The following SLCO3A1 variants were observed in gnomAD, a reference collection of about 807,000 sequenced individuals.
SLCO3A1 encodes the protein PGE1 transporter.
A neutral mutation model predicts 63.1 loss-of-function variants in SLCO3A1; 27 were observed. The ratio of observed to expected loss-of-function variants is 0.43; its 90% CI spans 0.32 to 0.59. The LOEUF is 0.59. SLCO3A1 is among the 20% of genes least tolerant of loss of function. SLCO3A1 has a pLI of 0.09. For missense variants in SLCO3A1, 773 were observed against 945.8 expected (o/e 0.82, Z 2.40); for synonymous variants, 473 against 409.9 (o/e 1.15, Z -1.86).
chr15:91,874,444 G>A (rs575317542), intron 1 of SLCO3A1, among the ~76,000 whole-genome samples: 3 of 152,132 alleles, frequency 2.0e-5, no homozygotes, highest in Non-Finnish European at 4.4e-5. Context: ...GGCCACCACT[G>A]TTCACTTCCT....
Position 91,860,900 on chromosome 15 carries a change from C to T in SLCO3A1, c.180+6812C>T, listed in dbSNP as rs1007625058. 7.9e-5 allele frequency among the ~76,000 whole-genome samples: 12 copies of T among 152,114 alleles called. No homozygotes were observed. The highest frequency in any genetic ancestry group is 2.9e-4 in the African/African-American group (12 of 41,398). On this transcript the variant is annotated intron_variant, in intron 1 of 9. Coordinates refer to ENST00000318445, the MANE Select transcript of SLCO3A1 (RefSeq NM_013272.4). The surrounding 1 kb of genome is among the most constrained non-coding windows in gnomAD (Gnocchi z 5.5). Reference sequence around the variant, plus strand: ...GGTTTCTCATAAGCAGAACAATGGACCTGTTCCTGCAACCTGGTTTCCCAT... The same window carrying T: ...GGTTTCTCATAAGCAGAACAATGGATCTGTTCCTGCAACCTGGTTTCCCAT...
intron 2 of SLCO3A1, among the ~76,000 whole-genome samples, chr15:92,046,503 C>G (rs1198065855): frequency 2.0e-5 from 3 of 152,132 alleles, no homozygotes; most frequent in Admixed American, 6.5e-5. Context: ...GCACTCCAGC[C>G]TGGGCTACAG....
chr15:91,968,346 G>A lies in SLCO3A1; in HGVS notation c.646+51888G>A, dbSNP rs774817627. The stretch of plus-strand genomic sequence containing the variant: ...AAAATGACTTTCTAGTCTCCTGCGA[G>A]CTTTCTCTCAAGTAGATTCTGCTGA... On this transcript the variant is annotated intron_variant, in intron 2 of 9. Coordinates refer to ENST00000318445, the MANE Select transcript of SLCO3A1 (RefSeq NM_013272.4). The surrounding 1 kb of genome is among the most constrained non-coding windows in gnomAD (Gnocchi z 4.2). 6.6e-6 allele frequency among the ~76,000 whole-genome samples: 1 copy of A among 152,116 alleles called. No homozygotes were observed. The highest frequency in any genetic ancestry group is 6.5e-5 in the Admixed American group (1 of 15,284).
intron 1 of SLCO3A1, among the ~76,000 whole-genome samples, chr15:91,874,054 C>A (rs1897340742): frequency 1.3e-5 from 2 of 151,918 alleles, no homozygotes; most frequent in African/African-American, 4.8e-5. Flanking sequence ...TGCCTGGAAC[C>A]TTGGATAGTA....
At position 91,942,623 on chromosome 15, in the gene SLCO3A1, G is replaced by A. The variant is rs911782292; in HGVS notation, c.646+26165G>A. 6.6e-6 allele frequency among the ~76,000 whole-genome samples: 1 copy of A among 152,096 alleles called. No homozygotes were observed. Among genetic ancestry groups the A allele is most frequent in the East Asian group, 1.9e-4 (1 of 5,182 alleles). On this transcript the variant is annotated intron_variant, in intron 2 of 9. Transcript: ENST00000318445. The surrounding 1 kb of genome is among the most constrained non-coding windows in gnomAD (Gnocchi z 4.1). Reference sequence around the variant, plus strand: ...TTTCGAGACCGAGTCTTGCTCTGTCGACCAGGCTGGATTGCAGTGGCCCAA... The same window carrying A: ...TTTCGAGACCGAGTCTTGCTCTGTCAACCAGGCTGGATTGCAGTGGCCCAA...
At chr15:91,929,145 G>T (rs1010087706) in intron 2 of SLCO3A1, among the ~76,000 whole-genome samples, 71 of 152,332 alleles carry the variant, frequency 4.7e-4, no homozygotes, top group Middle Eastern at 6.8e-3. Context: ...ATTGAGCTCT[G>T]TGGTGTTCTG....
intron 2 of SLCO3A1, among the ~76,000 whole-genome samples, chr15:92,056,672 A>G (rs2047025577): frequency 6.6e-6 from 1 of 152,180 alleles, no homozygotes; most frequent in Non-Finnish European, 1.5e-5. Flanking sequence ...TCTAATATCC[A>G]GTTGAGGTCT....
chr15:92,171,709 C>T (rs2048522392), intron 10 of SLCO3A1: 2 of 1,105,314 alleles, frequency 1.8e-6, no homozygotes, highest in Non-Finnish European at 2.7e-6. Flanking sequence ...ATAAGCCTAA[C>T]AAACAGTAGG....
chr15:91,924,262 C>T (rs76833058), intron 2 of SLCO3A1, among the ~76,000 whole-genome samples: 4,385 of 152,172 alleles, frequency 0.029, 94 homozygotes, highest in Admixed American at 0.05. Flanking sequence ...ATTTGTTGCC[C>T]TGTGGGAGTG....
In SLCO3A1 at chr15:91,853,942, G is replaced by C; in HGVS notation, c.34G>C (p.Gly12Arg). 1 of 1,467,472 alleles carries C rather than the reference G, an allele frequency of 6.8e-7. No individual in the cohort carries two copies. The highest frequency in any genetic ancestry group is 1.5e-5 in the African/African-American group (1 of 68,372). 90.9% of individuals were successfully genotyped at this position (1,467,472 alleles called of 1,614,324 possible). A position where few individuals can be genotyped will look rare whatever the true frequency, so the allele number is the denominator to read the frequency against. ...QGKKPGGSSG[G>R]GRSGELQGDE... ...GAAGAAGCCGGGCGGTTCGTCGGGC[G>C]GCGGCCGGAGCGGCGAGCTGCAGGG... The change falls in exon 1 of 10, where the codon GGC becomes CGC. Residue 12 changes from glycine to arginine, a missense_variant. Transcript: ENST00000318445.
intron 2 of SLCO3A1, among the ~76,000 whole-genome samples, chr15:91,976,867 A>C (rs1901133377): frequency 6.6e-6 from 1 of 152,122 alleles, no homozygotes; most frequent in African/African-American, 2.4e-5. Flanking sequence ...ATAGAATATC[A>C]CAAGGCAAAG....
chr15:92,167,550 C>T (rs9788698), downstream of SLCO3A1, among the ~76,000 whole-genome samples: 6,969 of 152,314 alleles, frequency 0.046, 413 homozygotes, highest in East Asian at 0.26. Flanking sequence ...GCCGCAAGAA[C>T]GTAATCCCTT....
Position 91,873,788 on chromosome 15 carries a change from C to T in SLCO3A1, c.180+19700C>T, listed in dbSNP as rs78391974. On this transcript the variant is annotated intron_variant, in intron 1 of 9. Transcript: ENST00000318445. ...CAAAATGTTCCCAAAATATCTCTAT[C>T]GCAATTGCCATTTCTAGCTCTATAC... is the stretch of plus-strand genomic sequence containing the variant. Among the ~76,000 whole-genome samples the T allele has an allele frequency of 7.9e-3, 1,206 of 152,248 alleles. 15 individuals are homozygous for T. Among genetic ancestry groups the T allele is most frequent in the African/African-American group, 0.028 (1,161 of 41,526 alleles).
At chr15:91,898,343 A>G (rs1037927863) in intron 1 of SLCO3A1, among the ~76,000 whole-genome samples, 31 of 152,232 alleles carry the variant, frequency 2.0e-4, no homozygotes, top group African/African-American at 7.5e-4. Flanking sequence ...TACATTTGCT[A>G]ATATTTCTAA....
At chr15:92,159,785 C>T (rs58639275) in intron 9 of SLCO3A1, among the ~76,000 whole-genome samples, 1 of 152,082 alleles carries the variant, frequency 6.6e-6, no homozygotes, top group Non-Finnish European at 1.5e-5. Context: ...TATCACATAG[C>T]AGTATGCCCT....
At chr15:91,980,521 G>C (rs540222008) in intron 2 of SLCO3A1, among the ~76,000 whole-genome samples, 4 of 151,974 alleles carry the variant, frequency 2.6e-5, no homozygotes, top group African/African-American at 9.6e-5. Context: ...GCTTTAGTTG[G>C]TATGAAGTTT....
intron 2 of SLCO3A1, among the ~76,000 whole-genome samples, chr15:92,063,883 G>A (rs549320363): frequency 6.6e-6 from 1 of 152,198 alleles, no homozygotes; most frequent in Non-Finnish European, 1.5e-5. Flanking sequence ...CATGAAGCCA[G>A]GCAGGCATTG....
intron 2 of SLCO3A1, among the ~76,000 whole-genome samples, chr15:92,013,734 G>A (rs931717225): frequency 6.6e-6 from 1 of 152,184 alleles, no homozygotes; most frequent in African/African-American, 2.4e-5. Flanking sequence ...CCCTTTAGAG[G>A]TCCTGCTGGC....
At chr15:92,034,878 T>C (rs1238489531) in intron 2 of SLCO3A1, among the ~76,000 whole-genome samples, 1 of 151,986 alleles carries the variant, frequency 6.6e-6, no homozygotes, top group East Asian at 1.9e-4. Flanking sequence ...CTGATAGCTC[T>C]AACTGTCATT....
Sources: gnomAD v4.1 joint callset for allele counts (sites outside exome capture counted in the v4.1 genomes callset) on GRCh38, gnomAD v4.1.1 for gene constraint, Gnocchi (gnomAD v3.1) non-coding constraint, MANE v1.5 for transcripts, NCBI Gene and HGNC (gene_info 2026-07-23, HGNC 2026-07-21) for gene names.